The following UNC13C variants were observed in gnomAD, a reference collection of about 807,000 sequenced individuals.
UNC13C encodes the protein protein unc-13 homolog C.
In UNC13C, 174 loss-of-function variants were observed where a neutral mutation model predicts 245.4. The observed-to-expected ratio is 0.71, with a 90% CI of 0.63 to 0.80. The LOEUF (loss-of-function observed/expected upper bound fraction) is 0.80, where lower values mean the gene tolerates loss of function less well. Ranked by LOEUF, UNC13C falls within the 30% of genes least tolerant of loss-of-function variation. The pLI is 0.00. For synonymous variants in UNC13C, 992 were observed against 895.1 expected, an observed-to-expected ratio of 1.11 and a Z score of -1.93; for missense variants, 2,829 against 2,602.9, an observed-to-expected ratio of 1.09 and a Z score of -1.89.
rs1052268047 is a variant in UNC13C, at chr15:53,984,035, T to G, written c.-257+5108T>G. ...TGGAATACTGCTTGAATCTTCCAAT[T>G]GTTTTATCTGTATGATTCTTTTCTC... On this transcript the variant is annotated intron_variant, in intron 1 of 32. Transcript: ENST00000260323. Among the ~76,000 whole-genome samples, 4 of 152,176 alleles carry G rather than the reference T, an allele frequency of 2.6e-5. No homozygotes were observed. The East Asian group carries it at 7.7e-4, about 29-fold the overall frequency.
At chr15:54,148,940 G>T (rs1226502481) in intron 4 of UNC13C, among the ~76,000 whole-genome samples, 1 of 152,124 alleles carries the variant, frequency 6.6e-6, no homozygotes, top group African/African-American at 2.4e-5. Context: ...TATATGGTTT[G>T]GTTGTGTCAC....
chr15:54,023,832 G>A (rs762097624), intron 2 of UNC13C, among the ~76,000 whole-genome samples: 13 of 152,142 alleles, frequency 8.5e-5, no homozygotes, highest in Non-Finnish European at 1.6e-4. Flanking sequence ...GTTGCAAAGT[G>A]TACAATGCAA....
At chr15:54,460,659 C>T (rs8039917) in intron 19 of UNC13C, among the ~76,000 whole-genome samples, 91,713 of 152,084 alleles carry the variant, frequency 0.6, 27,864 homozygotes, top group East Asian at 0.79. Flanking sequence ...CAAGAGTTTA[C>T]GTCCTTTGTC....
At chr15:54,576,378 G>C (rs747553088) in intron 30 of UNC13C, among the ~76,000 whole-genome samples, 1 of 152,020 alleles carries the variant, frequency 6.6e-6, no homozygotes, top group Admixed American at 6.6e-5. Context: ...TTCCTTCTCC[G>C]TACTCTACAT....
At chr15:53,926,150 CAT>C in the UNC13C span, among the ~76,000 whole-genome samples, 2 of 151,222 alleles carry the variant, frequency 1.3e-5, no homozygotes, top group Non-Finnish European at 2.9e-5. Flanking sequence ...TAGTATGACT[CAT>C]AGACATTAAA....
chr15:54,163,709 C>T (rs1199967438), intron 4 of UNC13C, among the ~76,000 whole-genome samples: 1 of 152,162 alleles, frequency 6.6e-6, no homozygotes, highest in African/African-American at 2.4e-5. Context: ...GTGCTTTATG[C>T]TGTGCTAGGT....
chr15:53,997,026 C>T (rs888776285), intron 1 of UNC13C, among the ~76,000 whole-genome samples: 1 of 152,114 alleles, frequency 6.6e-6, no homozygotes, highest in Non-Finnish European at 1.5e-5. Context: ...ACATTGTCCT[C>T]TGCAATGTAT....
At chr15:53,908,371 A>T in the UNC13C span, among the ~76,000 whole-genome samples, 22 of 146,680 alleles carry the variant, frequency 1.5e-4, 4 homozygotes, top group Admixed American at 1.6e-3. Flanking sequence ...TAGACTTAAT[A>T]GTAGTTACAT....
intron 28 of UNC13C, among the ~76,000 whole-genome samples, chr15:54,552,857 T>A (rs1269649898): frequency 0.012 from 1 of 82 alleles, no homozygotes; most frequent in Non-Finnish European, 0.05. Context: ...ATATAATATA[T>A]ATTAATATAT....
At position 54,236,404 on chromosome 15, in the gene UNC13C, T is replaced by C. The variant is rs76780149; in HGVS notation, c.3151-26T>C. ...CATGTATCTAATTATTTACATTTTG[T>C]TTCCTCTCACTTCTGGAATCTTCAG... On this transcript the variant is annotated intron_variant, in intron 5 of 32. Coordinates refer to ENST00000260323, the MANE Select transcript of UNC13C (RefSeq NM_001080534.3). 3.3e-3 allele frequency: 5,160 copies of C among 1,579,426 alleles called. 142 individuals carry two copies. The East Asian group carries it at 0.056, about 17-fold the overall frequency.
chr15:54,109,027 G>A (rs1900610736), intron 2 of UNC13C, among the ~76,000 whole-genome samples: 1 of 152,054 alleles, frequency 6.6e-6, no homozygotes, highest in Non-Finnish European at 1.5e-5. Context: ...TCTAGAGTGG[G>A]ATTCCTGTAC....
At chr15:53,895,086 G>T in the UNC13C span, among the ~76,000 whole-genome samples, 3 of 152,064 alleles carry the variant, frequency 2.0e-5, no homozygotes, top group Admixed American at 2.0e-4. Flanking sequence ...TGTCGAGGCT[G>T]GGCGTGGTGG....
the UNC13C span, among the ~76,000 whole-genome samples, chr15:53,905,002 A>G: frequency 6.6e-6 from 1 of 152,164 alleles, no homozygotes; most frequent in Admixed American, 6.5e-5. Flanking sequence ...GGGCCTTGGA[A>G]TTGAGGCATG....
chr15:53,967,348 TG>T, the UNC13C span, among the ~76,000 whole-genome samples: 5 of 152,152 alleles, frequency 3.3e-5, no homozygotes, highest in South Asian at 4.1e-4. Flanking sequence ...TGTTTTGTTT[TG>T]TTTTTTTTCG....
intron 24 of UNC13C, among the ~76,000 whole-genome samples, chr15:54,524,985 CA>C (rs1157028895): frequency 6.6e-6 from 1 of 152,126 alleles, no homozygotes; most frequent in Non-Finnish European, 1.5e-5. Flanking sequence ...GAAGAAAAGT[CA>C]GGACTATCGT....
At chr15:54,547,791 C>A (rs1443088769) in intron 27 of UNC13C, among the ~76,000 whole-genome samples, 1 of 151,950 alleles carries the variant, frequency 6.6e-6, no homozygotes, top group African/African-American at 2.4e-5. Flanking sequence ...GGTTCTAAGT[C>A]ACATTTATAA....
rs1897156148 is a variant in UNC13C at position 54,557,923 on chromosome 15, T to C, written c.5958+2411T>C. Among the ~76,000 whole-genome samples the C allele has an allele frequency of 2.0e-5, 3 of 152,014 alleles. No homozygotes were observed. The South Asian group carries it at 6.2e-4, about 31-fold the overall frequency. On this transcript the variant is annotated intron_variant, in intron 29 of 32. Transcript: ENST00000260323. Reference sequence around the variant, plus strand: ...TACACCATGGAATACTATGCAGCCATAAAAAATGATGAGTTCATGTCCTTT... The same window carrying C: ...TACACCATGGAATACTATGCAGCCACAAAAAATGATGAGTTCATGTCCTTT...
At chr15:53,864,543 C>T in the UNC13C span, among the ~76,000 whole-genome samples, 1 of 152,178 alleles carries the variant, frequency 6.6e-6, no homozygotes, top group South Asian at 2.1e-4. Context: ...GCAATATAGG[C>T]CTCAAGTAGT....
At chr15:53,984,704 A>G (rs1481741805) in intron 1 of UNC13C, among the ~76,000 whole-genome samples, 1 of 152,152 alleles carries the variant, frequency 6.6e-6, no homozygotes, top group Non-Finnish European at 1.5e-5. Context: ...TGAAATGTAC[A>G]TGTTATTAGA....
Sources: allele counts gnomAD v4.1 joint callset (sites outside exome capture counted in the v4.1 genomes callset), GRCh38; gene constraint gnomAD v4.1.1; transcripts MANE v1.5; gene names NCBI Gene and HGNC (gene_info 2026-07-23, HGNC 2026-07-21).